Variants in ZBTB38 observed in about 807,000 individuals in gnomAD.
ZBTB38 encodes zinc finger and BTB domain containing 38, also known as zinc finger and BTB domain-containing protein 38.
A neutral mutation model predicts 76.8 loss-of-function variants in ZBTB38; 20 were observed. That is an observed-to-expected ratio of 0.26 (90% CI 0.18 to 0.38). ZBTB38 has a LOEUF of 0.38. Ranked by LOEUF, ZBTB38 falls within the 10% of genes least tolerant of loss-of-function variation. The probability of loss-of-function intolerance (pLI) is 1.00; values close to 1 mark genes in which losing one functional copy is unlikely to be tolerated. For missense variants in ZBTB38, 1,082 were observed against 1,482.3 expected, an observed-to-expected ratio of 0.73 and a Z score of 4.43; for synonymous variants, 504 against 544.2, an observed-to-expected ratio of 0.93 and a Z score of 1.03.
intron 3 of ZBTB38, among the ~76,000 whole-genome samples, chr3:141,385,519 G>C (rs1946853239): frequency 1.3e-5 from 2 of 152,018 alleles, no homozygotes; most frequent in Non-Finnish European, 2.9e-5. Context: ...CCTCTTTGGG[G>C]ACCTGGTGAC....
chr3:141,398,961 CT>C (rs199536599), intron 4 of ZBTB38, among the ~76,000 whole-genome samples: 1,865 of 152,226 alleles, frequency 0.012, 54 homozygotes, highest in African/African-American at 0.043. Context: ...TCTCTCCTCT[CT>C]TTTTTTCCTT....
At chr3:141,352,958 A>G (rs1171487228) in intron 1 of ZBTB38, among the ~76,000 whole-genome samples, 1 of 152,102 alleles carries the variant, frequency 6.6e-6, no homozygotes, top group Admixed American at 6.5e-5. Flanking sequence ...TCTTAGTAGT[A>G]CTAGTTTGCA....
At chr3:141,428,720 C>T (rs1577356640) in intron 5 of ZBTB38, among the ~76,000 whole-genome samples, 1 of 152,324 alleles carries the variant, frequency 6.6e-6, no homozygotes, top group Non-Finnish European at 1.5e-5. Context: ...AGATGATCCT[C>T]CTGCCTCGGC....
chr3:141,337,776 T>A (rs2148897019), intron 1 of ZBTB38, among the ~76,000 whole-genome samples: 1 of 152,320 alleles, frequency 6.6e-6, no homozygotes, highest in South Asian at 2.1e-4. Context: ...TCTCAAGTCC[T>A]CACAACAGTC....
intron 4 of ZBTB38, among the ~76,000 whole-genome samples, chr3:141,398,929 A>C (rs936130453): frequency 1.1e-4 from 17 of 152,094 alleles, no homozygotes; most frequent in Non-Finnish European, 2.4e-4. Flanking sequence ...GACACTATTA[A>C]ATTTCATTTA....
chr3:141,423,055 C>G (rs1010566579), intron 5 of ZBTB38, among the ~76,000 whole-genome samples: 4 of 152,084 alleles, frequency 2.6e-5, no homozygotes, highest in Non-Finnish European at 5.9e-5. Context: ...TTTTCCCTGG[C>G]TTCCCTTCTT....
intron 5 of ZBTB38, among the ~76,000 whole-genome samples, chr3:141,433,378 C>G (rs59075313): frequency 0.19 from 28,088 of 150,916 alleles, 4,158 homozygotes; most frequent in African/African-American, 0.4. Context: ...TTTTTGGTCC[C>G]TAGACTCCCT....
Position 141,443,905 on chromosome 3 carries a change from A to G in ZBTB38, c.1517A>G (p.His506Arg). Residue 506 changes from histidine (H) to arginine (R), a missense_variant, in exon 6 of 6, where the codon CAT becomes CGT. Physicochemically the swap from His to Arg is conservative, Grantham distance 29 (BLOSUM62 0). Transcript: ENST00000321464. The surrounding 1 kb of genome is among the most constrained non-coding windows in gnomAD (Gnocchi z 5.6). ...VFALAEYRTRHEIWHTGERRY... is the reference protein window; with the variant it reads ...VFALAEYRTRREIWHTGERRY... ...GCATTGGCTGAGTACAGGACAAGGC[A>G]TGAAATTTGGCATACGGGAGAAAGA... is the stretch of plus-strand genomic sequence containing the variant. The G allele has an allele frequency of 6.2e-7, 1 of 1,614,176 alleles. No individual in the cohort carries two copies. The highest frequency in any genetic ancestry group is 8.5e-7 in the Non-Finnish European group (1 of 1,180,050).
At chr3:141,348,711 G>C (rs1943433951) in intron 1 of ZBTB38, among the ~76,000 whole-genome samples, 1 of 152,192 alleles carries the variant, frequency 6.6e-6, no homozygotes, top group African/African-American at 2.4e-5. Flanking sequence ...ACCTGGCACT[G>C]TATCTGTCAA....
chr3:141,359,214 C>A (rs1943749472), intron 1 of ZBTB38, among the ~76,000 whole-genome samples: 2 of 152,204 alleles, frequency 1.3e-5, no homozygotes, highest in African/African-American at 4.8e-5. Flanking sequence ...TACACTCTGA[C>A]CTTCCCCCTC....
chr3:141,364,584 G>A (rs900868301), upstream of ZBTB38, among the ~76,000 whole-genome samples: 1 of 149,324 alleles, frequency 6.7e-6, no homozygotes, highest in Admixed American at 6.8e-5. Flanking sequence ...GGCTGAGGCA[G>A]GAGAATCGCT....
Position 141,445,942 on chromosome 3 carries a change from ACATACAAACCGG to A in ZBTB38, c.3555_3566del (p.Ile1186_Gly1189del), listed in dbSNP as rs2081053767. On this transcript the variant is annotated inframe_deletion, in exon 6 of 6. Coordinates refer to ENST00000321464, the MANE Select transcript of ZBTB38 (RefSeq NM_001376113.1). The surrounding 1 kb of genome is among the most constrained non-coding windows in gnomAD (Gnocchi z 6.5). The stretch of plus-strand genomic sequence containing the variant: ...TCAGAAGACAATGACCAAAAGGATA[ACATACAAACCGG>A]TGTGGAAAATGTTGTCCTTTGAGTG... 1 of 1,601,414 alleles carries A rather than the reference ACATACAAACCGG, an allele frequency of 6.2e-7. No homozygotes were observed. The highest frequency in any genetic ancestry group is 1.7e-5 in the Admixed American group (1 of 59,868).
intron 1 of ZBTB38, among the ~76,000 whole-genome samples, chr3:141,342,484 A>G (rs988221963): frequency 1.3e-5 from 2 of 151,628 alleles, no homozygotes; most frequent in Admixed American, 6.6e-5. Flanking sequence ...TTTTTTGTCC[A>G]TTTGAAAACT....
chr3:141,334,961 C>G (rs550209274), intron 1 of ZBTB38, among the ~76,000 whole-genome samples: 6 of 152,334 alleles, frequency 3.9e-5, no homozygotes, highest in African/African-American at 1.4e-4. Flanking sequence ...GGCCATCCAT[C>G]AGAATCACCT....
chr3:141,391,365 C>A (rs1948817697), intron 4 of ZBTB38, among the ~76,000 whole-genome samples: 1 of 152,088 alleles, frequency 6.6e-6, no homozygotes, highest in Non-Finnish European at 1.5e-5. Flanking sequence ...TTCAAACTTT[C>A]CTTTCTTTGT....
chr3:141,343,807 C>A (rs1943264725), intron 1 of ZBTB38, among the ~76,000 whole-genome samples: 1 of 152,192 alleles, frequency 6.6e-6, no homozygotes, highest in African/African-American at 2.4e-5. Flanking sequence ...TGAGACAGTT[C>A]CATGGCTCAG....
intron 1 of ZBTB38, among the ~76,000 whole-genome samples, chr3:141,341,501 T>C (rs1943198007): frequency 6.6e-6 from 1 of 152,214 alleles, no homozygotes; most frequent in African/African-American, 2.4e-5. Context: ...ATATATACAA[T>C]GGAATATTAT....
Position 141,444,011 on chromosome 3 carries a change from C to T in ZBTB38, c.1623C>T (p.Ile541=), listed in dbSNP as rs749495655. 9.3e-6 allele frequency: 15 copies of T among 1,614,090 alleles called. No homozygotes were observed. The highest frequency in any genetic ancestry group is 4.5e-5 in the East Asian group (2 of 44,872). Reference sequence around the variant, plus strand: ...ATCATCAGAAGTCTTTCCATGCCATCGATCATAGACTTTCCATCAGTAAAA... The same window carrying T: ...ATCATCAGAAGTCTTTCCATGCCATTGATCATAGACTTTCCATCAGTAAAA... ...LKNHQKSFHA[I]DHRLSISKKT... Residue 541 remains isoleucine, a synonymous_variant, in exon 6 of 6, where the codon ATC becomes ATT. Coordinates refer to ENST00000321464, the MANE Select transcript of ZBTB38 (RefSeq NM_001376113.1). The surrounding 1 kb of genome is among the most constrained non-coding windows in gnomAD (Gnocchi z 5.1).
chr3:141,422,040 A>C (rs532845304), intron 5 of ZBTB38, among the ~76,000 whole-genome samples: 2 of 152,348 alleles, frequency 1.3e-5, no homozygotes, highest in Non-Finnish European at 2.9e-5. Context: ...GCTCTGCCCA[A>C]GGAATCCTGT....
Sources: gnomAD v4.1 joint callset for allele counts (sites outside exome capture counted in the v4.1 genomes callset) on GRCh38, gnomAD v4.1.1 for gene constraint, Gnocchi (gnomAD v3.1) non-coding constraint, MANE v1.5 for transcripts, NCBI Gene and HGNC (gene_info 2026-07-23, HGNC 2026-07-21) for gene names.